Variants in ADGRL3 observed in about 807,000 individuals in gnomAD.
ADGRL3 encodes the protein calcium-independent alpha-latrotoxin receptor 3.
A neutral mutation model predicts 153.5 loss-of-function variants in ADGRL3; 62 were observed. That is an observed-to-expected ratio of 0.40 (90% CI 0.33 to 0.50). ADGRL3 has a LOEUF of 0.50. Ranked by LOEUF, ADGRL3 falls within the 20% of genes least tolerant of loss-of-function variation. The probability of loss-of-function intolerance (pLI) is 0.47; values close to 1 mark genes in which losing one functional copy is unlikely to be tolerated. For synonymous variants in ADGRL3, 710 were observed against 672.5 expected, an observed-to-expected ratio of 1.06 and a Z score of -0.86; for missense variants, 1,641 against 1,859.4, an observed-to-expected ratio of 0.88 and a Z score of 2.16.
At chr4:61,303,096 A>G (rs2094636404) in intron 1 of ADGRL3, among the ~76,000 whole-genome samples, 1 of 152,192 alleles carries the variant, frequency 6.6e-6, no homozygotes, top group South Asian at 2.1e-4. Context: ...ATATCAACTC[A>G]TGTGACTATC....
intron 1 of ADGRL3, among the ~76,000 whole-genome samples, chr4:61,254,460 A>T (rs2091770143): frequency 6.6e-6 from 1 of 152,302 alleles, no homozygotes; most frequent in East Asian, 1.9e-4. Context: ...TAAAGAGATA[A>T]ATAAATAAGA....
intron 5 of ADGRL3, among the ~76,000 whole-genome samples, chr4:61,590,502 T>G: frequency 6.6e-6 from 1 of 152,138 alleles, no homozygotes; most frequent in Non-Finnish European, 1.5e-5. Context: ...TCTTAACTAT[T>G]AATTGAAATA....
At chr4:61,367,373 G>A (rs1433796840) in intron 1 of ADGRL3, among the ~76,000 whole-genome samples, 1 of 151,872 alleles carries the variant, frequency 6.6e-6, no homozygotes, top group Non-Finnish European at 1.5e-5. Context: ...ATCTCCCAAT[G>A]CTATCCCTCC....
At chr4:62,000,921 A>G (rs1038824821) in intron 21 of ADGRL3, among the ~76,000 whole-genome samples, 1 of 151,946 alleles carries the variant, frequency 6.6e-6, no homozygotes, top group African/African-American at 2.4e-5. Flanking sequence ...AGCTGGAACC[A>G]GAGGCATGCA....
chr4:61,340,834 A>ATG (rs2095793818), intron 1 of ADGRL3, among the ~76,000 whole-genome samples: 1 of 151,312 alleles, frequency 6.6e-6, no homozygotes, highest in African/African-American at 2.4e-5. Context: ...GTTTGTGTAT[A>ATG]TATATATATA....
In ADGRL3 at chr4:61,661,363, C is replaced by A. The variant is rs534599084; in HGVS notation, c.474-15463C>A. ...ACTTTCAATTATTGACTTTTTCAATCAAAAACTAATAAAACTCTAACTACT... is the reference window on the plus strand; with the variant it reads ...ACTTTCAATTATTGACTTTTTCAATAAAAAACTAATAAAACTCTAACTACT... On this transcript the variant is annotated intron_variant, in intron 5 of 26. Coordinates refer to ENST00000683033, the MANE Select transcript of ADGRL3 (RefSeq NM_001387552.1). 1.8e-4 allele frequency among the ~76,000 whole-genome samples: 27 copies of A among 151,980 alleles called. No homozygotes were observed. In the East Asian group the frequency reaches 4.8e-3, roughly 27 times the overall value.
chr4:61,414,143 T>TA (rs935549325), intron 2 of ADGRL3, among the ~76,000 whole-genome samples: 2 of 152,190 alleles, frequency 1.3e-5, no homozygotes, highest in Non-Finnish European at 2.9e-5. Flanking sequence ...GAGTCACTAT[T>TA]AGTCTGCCAC....
chr4:61,642,692 C>A (rs2093741033), intron 5 of ADGRL3, among the ~76,000 whole-genome samples: 1 of 152,048 alleles, frequency 6.6e-6, no homozygotes. Context: ...TTACTGTAGC[C>A]TTGTAGTATA....
intron 21 of ADGRL3, among the ~76,000 whole-genome samples, chr4:62,015,631 A>G (rs2099207727): frequency 6.6e-6 from 1 of 152,172 alleles, no homozygotes; most frequent in African/African-American, 2.4e-5. Flanking sequence ...TAAAATTGCC[A>G]GATCTCCCAT....
intron 22 of ADGRL3, among the ~76,000 whole-genome samples, 159 bp downstream of exon 22, chr4:62,029,040 C>G (rs564328580): frequency 2.0e-5 from 3 of 151,670 alleles, no homozygotes; most frequent in Non-Finnish European, 3.0e-5. Flanking sequence ...AACCTATATG[C>G]AGAATAAATA....
chr4:61,738,839 T>C lies in ADGRL3; in HGVS notation c.1399+5285T>C, dbSNP rs1391724539. On this transcript the variant is annotated intron_variant, in intron 8 of 26. Coordinates refer to ENST00000683033, the MANE Select transcript of ADGRL3 (RefSeq NM_001387552.1). ...TGTTAAGAAATTAATTTCAATTGACTTTTTAAACTTGTATTTAAAATGCTT... is the reference window on the plus strand; with the variant it reads ...TGTTAAGAAATTAATTTCAATTGACCTTTTAAACTTGTATTTAAAATGCTT... 2.6e-5 allele frequency among the ~76,000 whole-genome samples: 4 copies of C among 152,208 alleles called. No individual in the cohort carries two copies. In the South Asian group the frequency reaches 6.2e-4, roughly 24 times the overall value.
rs200555201 is a variant in ADGRL3 at position 61,902,415 on chromosome 4, C to CA, written c.1887+6582dup. Among the ~76,000 whole-genome samples, 679 of 152,252 alleles carry CA rather than the reference C, an allele frequency of 4.5e-3. 4 individuals are homozygous for CA. The highest frequency in any genetic ancestry group is 0.016 in the African/African-American group (661 of 41,554). ...CAATCCATAGCAATTTCTCATCACC[C>CA]AGATCTCCTTTCATTCACTCCTGAA... On this transcript the variant is annotated intron_variant, in intron 11 of 26. Transcript: ENST00000683033.
At chr4:62,044,409 C>T in intron 24 of ADGRL3, 44 bp from the exon 25 acceptor site, 1 of 1,217,150 alleles carries the variant, frequency 8.2e-7, no homozygotes, top group Admixed American at 2.0e-5. Flanking sequence ...TGAAAATTCA[C>T]TGCATCATGA....
At chr4:61,845,530 T>C (rs1381690910) in intron 9 of ADGRL3, among the ~76,000 whole-genome samples, 5 of 150,248 alleles carry the variant, frequency 3.3e-5, no homozygotes, top group African/African-American at 1.2e-4. Flanking sequence ...TTAATTTTTT[T>C]CTTTTTTTTT....
intron 1 of ADGRL3, among the ~76,000 whole-genome samples, chr4:61,203,349 A>G (rs1050234930): frequency 1.1e-4 from 17 of 152,216 alleles, no homozygotes; most frequent in Non-Finnish European, 4.4e-5. Flanking sequence ...AGCACATTGT[A>G]AACAACGGTG....
chr4:61,857,728 C>CCTTTCTTCCTTTCTTCCTTTCTTTCT (rs1561369921), intron 9 of ADGRL3, among the ~76,000 whole-genome samples: 2 of 121,446 alleles, frequency 1.6e-5, no homozygotes, highest in African/African-American at 9.0e-5. Context: ...TCTTTCTTCT[C>CCTTTCTTCCTTTCTTCCTTTCTTTCT]TCTTTCTTTC....
intron 9 of ADGRL3, among the ~76,000 whole-genome samples, chr4:61,857,121 G>A (rs938219396): frequency 2.8e-5 from 4 of 143,936 alleles, no homozygotes; most frequent in African/African-American, 7.8e-5. Flanking sequence ...TTTTCAGACA[G>A]GTGTCTTGCT....
At chr4:62,008,977 G>A (rs1272989940) in intron 21 of ADGRL3, among the ~76,000 whole-genome samples, 9 of 152,060 alleles carry the variant, frequency 5.9e-5, no homozygotes, top group Admixed American at 5.9e-4. Context: ...CCAGTAACAT[G>A]CTATACAAGT....
chr4:61,614,492 A>G (rs1243004006), intron 5 of ADGRL3, among the ~76,000 whole-genome samples: 3 of 152,162 alleles, frequency 2.0e-5, no homozygotes, highest in Non-Finnish European at 4.4e-5. Flanking sequence ...TGACTAAAAT[A>G]TAAAGACTAG....
Sources: gnomAD v4.1 joint callset for allele counts (sites outside exome capture counted in the v4.1 genomes callset) on GRCh38, gnomAD v4.1.1 for gene constraint, MANE v1.5 for transcripts, NCBI Gene and HGNC (gene_info 2026-07-23, HGNC 2026-07-21) for gene names.